Variants in MID1 observed in about 807,000 individuals in gnomAD.
The protein encoded by MID1 is E3 ubiquitin-protein ligase Midline-1.
Under a neutral mutation model 40.4 loss-of-function variants are expected in MID1, and 7 were observed. The ratio of observed to expected loss-of-function variants is 0.17; its 90% confidence interval spans 0.10 to 0.33. The LOEUF is 0.33. Among genes scored for constraint, MID1 ranks in the 10% least tolerant of loss-of-function variants. The pLI is 1.00. For missense variants in MID1, 367 were observed against 558.5 expected, an observed-to-expected ratio of 0.66 and a Z score of 3.46; for synonymous variants, 229 against 221.2, an observed-to-expected ratio of 1.04 and a Z score of -0.31.
chrX:10,540,761 A>G (rs2706264), intron 2 of MID1, among the ~76,000 whole-genome samples: 37,164 of 110,725 alleles, frequency 0.34, 4,850 homozygotes, highest in Non-Finnish European at 0.4. Flanking sequence ...AATTCCCTTA[A>G]AAGGAAAGCA....
chrX:10,756,874 G>C (rs1475665646), intron 1 of MID1, among the ~76,000 whole-genome samples: 1 of 111,552 alleles, frequency 9.0e-6, no homozygotes, highest in Admixed American at 9.6e-5. Flanking sequence ...GCACTTTCCC[G>C]GGCATTGGAC....
intron 1 of MID1, among the ~76,000 whole-genome samples, chrX:10,571,799 T>C (rs781478892): frequency 9.1e-6 from 1 of 110,096 alleles, no homozygotes; most frequent in Admixed American, 9.7e-5. Context: ...CACATGCCTG[T>C]GGTCCCAGAT....
chrX:10,502,478 G>T (rs190187024), intron 3 of MID1, among the ~76,000 whole-genome samples: 21 of 111,759 alleles, frequency 1.9e-4, no homozygotes, highest in Non-Finnish European at 4.0e-4. Flanking sequence ...GAGGGTTGCT[G>T]CACTGCACAA....
chrX:10,805,211 C>G (rs780111340), intron 1 of MID1, among the ~76,000 whole-genome samples: 3 of 101,972 alleles, frequency 2.9e-5, no homozygotes, highest in Non-Finnish European at 6.0e-5. Context: ...CTAATGCTAT[C>G]GCTCCCCCCT....
At chrX:10,820,643 A>C (rs966097753) in intron 1 of MID1, among the ~76,000 whole-genome samples, 6 of 111,180 alleles carry the variant, frequency 5.4e-5, no homozygotes, top group Non-Finnish European at 1.1e-4. Context: ...TGGACATAAA[A>C]GCAAGCAGAT....
At chrX:10,665,138 T>C (rs1804927982) in intron 1 of MID1, among the ~76,000 whole-genome samples, 2 of 112,377 alleles carry the variant, frequency 1.8e-5, no homozygotes, top group African/African-American at 6.5e-5. Flanking sequence ...ACCGTTTTTG[T>C]AGCTCTTAAT....
intron 1 of MID1, among the ~76,000 whole-genome samples, chrX:10,751,677 T>C (rs1252104538): frequency 8.9e-6 from 1 of 111,816 alleles, no homozygotes; most frequent in African/African-American, 3.3e-5. Flanking sequence ...AGGGTCTTCA[T>C]TGTCTGAAAT....
At chrX:10,488,408 T>C (rs1260691430) in intron 4 of MID1, among the ~76,000 whole-genome samples, 2 of 112,327 alleles carry the variant, frequency 1.8e-5, no homozygotes, top group African/African-American at 6.5e-5. Context: ...ACTACTTTAA[T>C]TCCCACCTCC....
At chrX:10,795,726 A>G (rs1460853225) in intron 1 of MID1, among the ~76,000 whole-genome samples, 2 of 112,641 alleles carry the variant, frequency 1.8e-5, no homozygotes, top group African/African-American at 6.4e-5. Flanking sequence ...TTTTGCTAAA[A>G]TAACTAACTT....
intron 5 of MID1, among the ~76,000 whole-genome samples, chrX:10,480,968 TGTTA>T (rs1461617797): frequency 8.9e-6 from 1 of 112,334 alleles, no homozygotes; most frequent in Non-Finnish European, 1.9e-5. Flanking sequence ...ACTCAATAAA[TGTTA>T]GTTTCCTTTC....
At chrX:10,458,598 C>G (rs1311738750) in intron 8 of MID1, among the ~76,000 whole-genome samples, 9 of 111,908 alleles carry the variant, frequency 8.0e-5, no homozygotes. Context: ...AAATCTACAG[C>G]TATTCCAAAA....
At chrX:10,665,469 C>G (rs934899536) in intron 1 of MID1, among the ~76,000 whole-genome samples, 2 of 109,641 alleles carry the variant, frequency 1.8e-5, no homozygotes, top group African/African-American at 6.6e-5. Flanking sequence ...CCAGAAAGGT[C>G]TTGAGGCTTC....
intron 1 of MID1, among the ~76,000 whole-genome samples, chrX:10,753,013 G>T (rs2043609890): frequency 9.0e-6 from 1 of 111,664 alleles, no homozygotes; most frequent in Non-Finnish European, 1.9e-5. Flanking sequence ...GGTCCCTGTG[G>T]CCCTGTTTGC....
In MID1 at chrX:10,469,217, G is replaced by A. The variant is rs1404066264; in HGVS notation, c.1285+480C>T. 1.3e-5 allele frequency: 5 copies of A among 397,805 alleles called. No individual in the cohort carries two copies. In the East Asian group the frequency reaches 4.8e-4, roughly 38 times the overall value. 32.8% of individuals were successfully genotyped at this position (397,805 alleles called of 1,213,427 possible). A position where few individuals can be genotyped will look rare whatever the true frequency, so the allele number is the denominator to read the frequency against. ...CTCCTGAGTAGTTGGGACTACAGGT[G>A]TGTGTCACCACACCCCGCTAATTTT... On this transcript the variant is annotated intron_variant, in intron 7 of 9. Transcript: ENST00000317552.
At chrX:10,754,266 G>A (rs1056298901) in intron 1 of MID1, among the ~76,000 whole-genome samples, 2 of 110,565 alleles carry the variant, frequency 1.8e-5, no homozygotes, top group African/African-American at 6.7e-5. Context: ...TATTTCCACT[G>A]AATTGTCTTA....
chrX:10,476,121 C>CCA (rs1377685125), intron 5 of MID1, among the ~76,000 whole-genome samples: 1 of 111,502 alleles, frequency 9.0e-6, no homozygotes, highest in East Asian at 2.8e-4. Flanking sequence ...ATCAAAAAGG[C>CCA]CACATATTGT....
At chrX:10,510,322 C>G (rs1043571415) in intron 3 of MID1, among the ~76,000 whole-genome samples, 2 of 111,194 alleles carry the variant, frequency 1.8e-5, no homozygotes, top group Admixed American at 9.5e-5. Flanking sequence ...TAGAAAGTAC[C>G]CTCGAGCCGC....
intron 1 of MID1, among the ~76,000 whole-genome samples, chrX:10,752,415 G>A (rs1205247021): frequency 8.9e-6 from 1 of 112,115 alleles, no homozygotes; most frequent in East Asian, 2.8e-4. Flanking sequence ...CCTTAGGCAG[G>A]TTACCCAGAG....
At chrX:10,812,492 C>T (rs1424970343) in intron 1 of MID1, among the ~76,000 whole-genome samples, 1 of 111,535 alleles carries the variant, frequency 9.0e-6, no homozygotes, top group Non-Finnish European at 1.9e-5. Flanking sequence ...CTCTTTCTCT[C>T]TCCCTTGGTC....
Sources: allele counts gnomAD v4.1 joint callset (sites outside exome capture counted in the v4.1 genomes callset), GRCh38; gene constraint gnomAD v4.1.1; transcripts MANE v1.5; gene names NCBI Gene and HGNC (gene_info 2026-07-23, HGNC 2026-07-21).